RIMS2: variants seen among roughly 807,000 people sequenced by gnomAD.
RIMS2 encodes regulating synaptic membrane exocytosis 2, also known as regulating synaptic membrane exocytosis protein 2.
In RIMS2, 59 loss-of-function variants were observed where a neutral mutation model predicts 174.4. The observed-to-expected ratio is 0.34, with a 90% confidence interval of 0.27 to 0.42. RIMS2 has a LOEUF of 0.42. Among genes scored for constraint, RIMS2 ranks in the 10% least tolerant of loss-of-function variants. The pLI is 1.00. For synonymous variants in RIMS2, 606 were observed against 572.5 expected, an observed-to-expected ratio of 1.06 and a Z score of -0.84; for missense variants, 1,620 against 1,666.3, an observed-to-expected ratio of 0.97 and a Z score of 0.48.
In RIMS2 at chr8:104,055,105, T is replaced by G. The variant is rs189508145; in HGVS notation, c.3334+40490T>G. On this transcript the variant is annotated intron_variant, in intron 19 of 23. Coordinates refer to ENST00000504942, the Ensembl canonical transcript of RIMS2. ...TTGGATCCTTTTAAGAATGTACATA[T>G]TATCATAGGATTCTATTGTGAATTT... 2.0e-3 allele frequency among the ~76,000 whole-genome samples: 310 copies of G among 152,224 alleles called. 2 individuals carry two copies. Among genetic ancestry groups the G allele is most frequent in the African/African-American group, 6.9e-3 (288 of 41,540 alleles).
chr8:103,595,973 T>C (rs2094465118), intron 1 of RIMS2, among the ~76,000 whole-genome samples: 1 of 151,964 alleles, frequency 6.6e-6, no homozygotes, highest in East Asian at 1.9e-4. Context: ...TTACAAATCA[T>C]GTTGCTGTGA....
intron 2 of RIMS2, among the ~76,000 whole-genome samples, chr8:103,734,682 C>T (rs1040530461): frequency 1.3e-5 from 2 of 151,860 alleles, no homozygotes; most frequent in African/African-American, 2.4e-5. Context: ...GCAGTTTTGT[C>T]TTTTGCAGAT....
intron 12 of RIMS2, among the ~76,000 whole-genome samples, chr8:103,931,809 C>T (rs1042603454): frequency 1.3e-5 from 2 of 151,894 alleles, no homozygotes; most frequent in East Asian, 1.9e-4. Flanking sequence ...TTTCTACTTC[C>T]TCTTACCAAG....
intron 19 of RIMS2, among the ~76,000 whole-genome samples, chr8:104,036,313 G>C (rs984833240): frequency 1.3e-5 from 2 of 151,552 alleles, no homozygotes; most frequent in Non-Finnish European, 2.9e-5. Flanking sequence ...ACCATGCCTA[G>C]CTAATTTTTT....
intron 20 of RIMS2, among the ~76,000 whole-genome samples, chr8:104,246,383 T>G (rs1234971023): frequency 6.6e-6 from 1 of 152,172 alleles, no homozygotes; most frequent in East Asian, 1.9e-4. Context: ...TCCTTTCCTT[T>G]CCTTTACTTC....
chr8:103,762,357 A>G (rs2098121561), intron 2 of RIMS2, among the ~76,000 whole-genome samples: 1 of 152,174 alleles, frequency 6.6e-6, no homozygotes, highest in African/African-American at 2.4e-5. Context: ...GTCTCTAACC[A>G]GGGAGATTTA....
At chr8:103,641,339 G>A (rs2096225353) in intron 1 of RIMS2, among the ~76,000 whole-genome samples, 1 of 152,032 alleles carries the variant, frequency 6.6e-6, no homozygotes, top group Non-Finnish European at 1.5e-5. Context: ...TCATTGGGAT[G>A]CTCATCACCT....
At chr8:103,782,119 T>C (rs1448906085) in intron 3 of RIMS2, among the ~76,000 whole-genome samples, 1 of 151,818 alleles carries the variant, frequency 6.6e-6, no homozygotes, top group African/African-American at 2.4e-5. Context: ...GTTTTCTTTT[T>C]TTTTTTTCTC....
chr8:103,784,361 G>A (rs2098420694), intron 3 of RIMS2, among the ~76,000 whole-genome samples: 2 of 150,238 alleles, frequency 1.3e-5, no homozygotes, highest in African/African-American at 2.4e-5. Flanking sequence ...TGTCCTGAAT[G>A]GTAATGCCTA....
At chr8:104,050,163 G>T (rs2096762056) in intron 19 of RIMS2, among the ~76,000 whole-genome samples, 1 of 152,072 alleles carries the variant, frequency 6.6e-6, no homozygotes, top group African/African-American at 2.4e-5. Flanking sequence ...ATAAAGGAAA[G>T]GTTATTTCTG....
At chr8:103,711,195 T>C (rs2097299227) in intron 2 of RIMS2, among the ~76,000 whole-genome samples, 2 of 152,240 alleles carry the variant, frequency 1.3e-5, no homozygotes, top group African/African-American at 2.4e-5. Context: ...ATTCTGAATC[T>C]AGCTTTTATG....
exon 16 of RIMS2, chr8:103,975,432 A>G: frequency 1.2e-6 from 2 of 1,612,630 alleles, no homozygotes; most frequent in South Asian, 1.1e-5. Flanking sequence ...ACTGTTCACC[A>G]TCAGGGTCTC....
rs181414218 is a variant in RIMS2 at position 104,101,195 on chromosome 8, C to T, written c.3334+86580C>T. Among the ~76,000 whole-genome samples the T allele has an allele frequency of 5.5e-3, 820 of 150,342 alleles. 12 individuals are homozygous for T. Among genetic ancestry groups the T allele is most frequent in the African/African-American group, 0.017 (708 of 40,950 alleles). Reference sequence around the variant, plus strand: ...ATGCTGGAGTGCAGTGGCACAATCTCGGCTCGCTGCAACTTCCGTCACCCG... The same window carrying T: ...ATGCTGGAGTGCAGTGGCACAATCTTGGCTCGCTGCAACTTCCGTCACCCG... On this transcript the variant is annotated intron_variant, in intron 19 of 23. Transcript: ENST00000504942.
rs562732556 is a variant in RIMS2 at position 104,137,436 on chromosome 8, T to C, written c.3335-107480T>C. ...TACATTTGTTTTAAAGATTAACTCA[T>C]TTATTCAACATATATTTGCTGAAAA... On this transcript the variant is annotated intron_variant, in intron 19 of 23. Coordinates refer to ENST00000504942, the Ensembl canonical transcript of RIMS2. Among the ~76,000 whole-genome samples, 5 of 152,308 alleles carry C rather than the reference T, an allele frequency of 3.3e-5. No individual in the cohort carries two copies. The South Asian group carries it at 6.2e-4, about 19-fold the overall frequency.
chr8:104,103,088 G>T (rs1232163737), intron 19 of RIMS2, among the ~76,000 whole-genome samples: 1 of 151,960 alleles, frequency 6.6e-6, no homozygotes, highest in Non-Finnish European at 1.5e-5. Flanking sequence ...CTACAACATG[G>T]ATGAAGCTTG....
intron 3 of RIMS2, among the ~76,000 whole-genome samples, chr8:103,779,118 T>C (rs1317538348): frequency 1.3e-5 from 2 of 152,230 alleles, no homozygotes; most frequent in African/African-American, 2.4e-5. Flanking sequence ...TACTGAGTTG[T>C]TTGAGCTCTT....
chr8:104,073,648 T>C (rs1179890084), intron 19 of RIMS2, among the ~76,000 whole-genome samples: 4 of 152,326 alleles, frequency 2.6e-5, no homozygotes, highest in Non-Finnish European at 5.9e-5. Flanking sequence ...TATGATAATC[T>C]ATTTAACCCA....
chr8:103,877,543 G>A (rs1037409601), intron 3 of RIMS2, among the ~76,000 whole-genome samples: 1 of 151,430 alleles, frequency 6.6e-6, no homozygotes, highest in Admixed American at 6.6e-5. Flanking sequence ...TTGGTTATAG[G>A]TATTTGGCTT....
rs1047148542 is a variant in RIMS2, at chr8:103,528,076, C to T, written c.176+27014C>T. Among the ~76,000 whole-genome samples the T allele has an allele frequency of 4.2e-4, 64 of 152,160 alleles. 1 individual carries two copies. The highest frequency in any genetic ancestry group is 8.1e-4 in the Non-Finnish European group (55 of 68,004). On this transcript the variant is annotated intron_variant, in intron 1 of 23. Coordinates refer to ENST00000504942, the Ensembl canonical transcript of RIMS2. ...TGTTGTTTCCTGACTTTTTAATGATCGCCATTCTAACTGGTGTGAGATGGC... is the reference window on the plus strand; with the variant it reads ...TGTTGTTTCCTGACTTTTTAATGATTGCCATTCTAACTGGTGTGAGATGGC...
Sources: allele counts gnomAD v4.1 joint callset (sites outside exome capture counted in the v4.1 genomes callset), GRCh38; gene constraint gnomAD v4.1.1; transcripts MANE v1.5; gene names NCBI Gene and HGNC (gene_info 2026-07-23, HGNC 2026-07-21).